Variants in FOXP2 observed in about 807,000 individuals in gnomAD.
The protein encoded by FOXP2 is forkhead box protein P2.
FOXP2 carries 12 observed loss-of-function variants against 115.8 expected under a neutral mutation model. The ratio of observed to expected loss-of-function variants is 0.10; its 90% CI spans 0.07 to 0.17. FOXP2 has a LOEUF of 0.17. FOXP2 is among the 10% of genes least tolerant of loss of function. The probability of loss-of-function intolerance (pLI) is 1.00; values close to 1 mark genes in which losing one functional copy is unlikely to be tolerated. For synonymous variants in FOXP2, 328 were observed against 297.7 expected (o/e 1.10, Z -1.05); for missense variants, 629 against 843.5 (o/e 0.75, Z 3.15).
At chr7:114,231,945 T>C (rs1301027971) in intron 1 of FOXP2, among the ~76,000 whole-genome samples, 2 of 152,124 alleles carry the variant, frequency 1.3e-5, no homozygotes, top group Admixed American at 6.6e-5. Context: ...TGGTAGAAAG[T>C]ATCTGTAAAC....
intron 1 of FOXP2, among the ~76,000 whole-genome samples, chr7:114,153,478 A>G (rs1298789996): frequency 6.6e-6 from 1 of 152,138 alleles, no homozygotes; most frequent in Non-Finnish European, 1.5e-5. Flanking sequence ...AGTTGTGTTA[A>G]TTATGTTTAA....
At chr7:114,481,762 CTCTATCTATCTATCTATCTATCTA>C (rs3028214) in intron 2 of FOXP2, among the ~76,000 whole-genome samples, 1 of 145,272 alleles carries the variant, frequency 6.9e-6, no homozygotes, top group Admixed American at 7.0e-5. Flanking sequence ...CATATGGAAA[CTCTATCTATCTATCTATCTATCTA>C]TCTATCTATC....
chr7:114,299,637 A>G (rs1796829230), intron 2 of FOXP2, among the ~76,000 whole-genome samples: 2 of 152,094 alleles, frequency 1.3e-5, no homozygotes, highest in South Asian at 4.1e-4. Context: ...TATTTAATAT[A>G]TTTTGATTTA....
In FOXP2 at chr7:114,323,568, A is replaced by C. The variant is rs576704864; in HGVS notation, c.-11+35459A>C. On this transcript the variant is annotated intron_variant, in intron 2 of 17. Transcript: ENST00000634411. ...TCAGAGTTACAATGATTTATCCCCC[A>C]AAAAATACGATATTGGAAAAGGAGA... is the stretch of plus-strand genomic sequence containing the variant. Among the ~76,000 whole-genome samples the C allele has an allele frequency of 1.9e-3, 288 of 152,120 alleles. 1 individual carries two copies. Among genetic ancestry groups the C allele is most frequent in the African/African-American group, 5.8e-3 (243 of 41,548 alleles).
chr7:114,133,576 G>A (rs1284153206), intron 1 of FOXP2, among the ~76,000 whole-genome samples: 1 of 152,194 alleles, frequency 6.6e-6, no homozygotes, highest in African/African-American at 2.4e-5. Context: ...TTTGGATACT[G>A]TTTGTCCCCA....
intron 6 of FOXP2, among the ~76,000 whole-genome samples, chr7:114,638,620 G>C (rs966271870): frequency 6.6e-6 from 1 of 152,146 alleles, no homozygotes; most frequent in Non-Finnish European, 1.5e-5. Flanking sequence ...CAAGGTAATA[G>C]TTTTCTTTTT....
intron 4 of FOXP2, 110 bp downstream of exon 4, chr7:114,628,787 C>A: frequency 7.7e-7 from 1 of 1,299,078 alleles, no homozygotes; most frequent in South Asian, 1.2e-5. Flanking sequence ...GAAAGGACAA[C>A]CTATTAGCGT....
intron 2 of FOXP2, among the ~76,000 whole-genome samples, chr7:114,366,793 A>G (rs964123762): frequency 4.6e-5 from 7 of 152,116 alleles, no homozygotes; most frequent in African/African-American, 1.7e-4. Flanking sequence ...TTTGTCTTAG[A>G]TGCCATTTAT....
chr7:114,476,634 AT>A (rs535008937), intron 2 of FOXP2, among the ~76,000 whole-genome samples: 1 of 151,454 alleles, frequency 6.6e-6, no homozygotes, highest in African/African-American at 2.4e-5. Flanking sequence ...GAATTTTAGA[AT>A]TTTTTTTCTA....
At chr7:114,126,919 A>G (rs1280768044) in intron 1 of FOXP2, among the ~76,000 whole-genome samples, 1 of 152,154 alleles carries the variant, frequency 6.6e-6, no homozygotes, top group Admixed American at 6.5e-5. Context: ...TGGCATAACA[A>G]ACTACTGCAA....
At chr7:114,247,577 G>A (rs950659450) in intron 1 of FOXP2, among the ~76,000 whole-genome samples, 1 of 152,006 alleles carries the variant, frequency 6.6e-6, no homozygotes. Context: ...ACATGGCTGC[G>A]TCCTTGAAAC....
chr7:114,133,586 A>T (rs1791949449), intron 1 of FOXP2, among the ~76,000 whole-genome samples: 1 of 152,176 alleles, frequency 6.6e-6, no homozygotes. Context: ...GTTTGTCCCC[A>T]CGAAAACTCA....
At chr7:114,309,078 T>C (rs1278530960) in intron 2 of FOXP2, among the ~76,000 whole-genome samples, 3 of 152,308 alleles carry the variant, frequency 2.0e-5, no homozygotes, top group Non-Finnish European at 4.4e-5. Flanking sequence ...TTTTGGAAGA[T>C]AGAGATACAG....
chr7:114,282,086 T>A (rs1348903459), intron 1 of FOXP2, among the ~76,000 whole-genome samples: 1 of 152,092 alleles, frequency 6.6e-6, no homozygotes, highest in Non-Finnish European at 1.5e-5. Context: ...TTTTCAAGAA[T>A]CTCCTTTTAC....
In FOXP2 at chr7:114,688,248, T is replaced by C. The variant is rs745973859; in HGVS notation, c.2004-1534T>C. ...ACACACACACACACACACACACACA[T>C]CTTTTTTTTTTTTTGGCCTAGTTTT... On this transcript the variant is annotated intron_variant, in intron 16 of 16. Transcript: ENST00000350908. 3.3e-3 allele frequency among the ~76,000 whole-genome samples: 251 copies of C among 75,576 alleles called. 2 individuals are homozygous for C. The highest frequency in any genetic ancestry group is 6.1e-3 in the Non-Finnish European group (201 of 32,688). The allele number at this position is 75,576 out of a possible 152,430, so 49.6% of individuals were successfully genotyped here. A position where few individuals can be genotyped will look rare whatever the true frequency, so the allele number is the denominator to read the frequency against.
rs529634846 is a variant in FOXP2 at position 114,202,297 on chromosome 7, T to C, written c.-102+39209T>C. 1.2e-3 allele frequency among the ~76,000 whole-genome samples: 189 copies of C among 152,354 alleles called. 2 individuals carry two copies. Among genetic ancestry groups the C allele is most frequent in the African/African-American group, 4.3e-3 (177 of 41,598 alleles). On this transcript the variant is annotated intron_variant, in intron 1 of 17. Coordinates refer to the FOXP2 transcript ENST00000634411. ...CCTCTCTGTATGTTCCTGTAAGAAA[T>C]ATTTATTTAGTTCCTTCTATGTGCA...
intron 2 of FOXP2, among the ~76,000 whole-genome samples, chr7:114,329,534 GAA>G (rs72260597): frequency 7.1e-6 from 1 of 140,638 alleles, no homozygotes; most frequent in Admixed American, 7.1e-5. Flanking sequence ...AAAAAAAAAA[GAA>G]AAAAAAAAGG....
chr7:114,501,058 A>G (rs1170916582), intron 2 of FOXP2, among the ~76,000 whole-genome samples: 1 of 152,164 alleles, frequency 6.6e-6, no homozygotes, highest in Non-Finnish European at 1.5e-5. Flanking sequence ...CTACTTCAGC[A>G]TGAAATTGAA....
At chr7:114,462,171 C>T (rs1418443492) in intron 2 of FOXP2, among the ~76,000 whole-genome samples, 1 of 146,992 alleles carries the variant, frequency 6.8e-6, no homozygotes, top group African/African-American at 2.5e-5. Flanking sequence ...GTCCCAGCTA[C>T]TCGGGAGGCT....
Sources: gnomAD v4.1 joint callset for allele counts (sites outside exome capture counted in the v4.1 genomes callset) on GRCh38, gnomAD v4.1.1 for gene constraint, MANE v1.5 for transcripts, NCBI Gene and HGNC (gene_info 2026-07-23, HGNC 2026-07-21) for gene names.